TXNDC16: variants seen among roughly 807,000 people sequenced by gnomAD.
The protein encoded by TXNDC16 is thioredoxin domain containing 16.
A neutral mutation model predicts 85.6 loss-of-function variants in TXNDC16; 74 were observed. That is an observed-to-expected ratio of 0.86 (90% CI 0.72 to 1.05). The LOEUF (loss-of-function observed/expected upper bound fraction) is 1.05. Ranked by LOEUF, TXNDC16 falls within the 50% of genes least tolerant of loss-of-function variation. TXNDC16 has a pLI of 0.00. For synonymous variants in TXNDC16, 335 were observed against 326.5 expected, an observed-to-expected ratio of 1.03 and a Z score of -0.28; for missense variants, 959 against 947.0, an observed-to-expected ratio of 1.01 and a Z score of -0.17.
intron 9 of TXNDC16, among the ~76,000 whole-genome samples, chr14:52,502,590 G>C (rs1051327120): frequency 6.6e-6 from 1 of 152,170 alleles, no homozygotes; most frequent in African/African-American, 2.4e-5. Flanking sequence ...ATACTACAGG[G>C]GGGTGGAGCC....
chr14:52,499,678 G>T (rs1594732427), intron 9 of TXNDC16, among the ~76,000 whole-genome samples: 2 of 151,750 alleles, frequency 1.3e-5, no homozygotes, highest in Middle Eastern at 7.0e-3. Flanking sequence ...ATGAACCCTT[G>T]TGCACTGTTG....
intron 8 of TXNDC16, among the ~76,000 whole-genome samples, chr14:52,512,619 A>AAATTATTTT (rs1185744796): frequency 6.6e-6 from 1 of 152,198 alleles, no homozygotes; most frequent in African/African-American, 2.4e-5. Context: ...TAATGTTGGA[A>AAATTATTTT]AATTATTTTA....
chr14:52,482,194 A>C (rs1446199199), intron 14 of TXNDC16, 36 bp downstream of exon 14: 2 of 1,540,704 alleles, frequency 1.3e-6, no homozygotes, highest in African/African-American at 2.8e-5. Flanking sequence ...ACAGCTTAGA[A>C]TCAGAATAAT....
At chr14:52,530,184 ATAT>A (rs1451039694) in intron 6 of TXNDC16, among the ~76,000 whole-genome samples, 15 of 83,864 alleles carry the variant, frequency 1.8e-4, no homozygotes, top group South Asian at 8.2e-4. Flanking sequence ...ATATATAAAT[ATAT>A]TATATTTATA....
At position 52,511,410 on chromosome 14, in the gene TXNDC16, T is replaced by G. The variant is rs1365995241; in HGVS notation, c.606-20A>C. On this transcript the variant is annotated intron_variant, in intron 8 of 20. Transcript: ENST00000281741. ...TCAGAGCTACAAATTAAAAATTAAT[T>G]AACTTAATGAAGTTCAATATGTGAT... is the stretch of plus-strand genomic sequence containing the variant. 1 of 1,533,732 alleles carries G rather than the reference T, an allele frequency of 6.5e-7. No individual in the cohort carries two copies. The highest frequency in any genetic ancestry group is 1.8e-5 in the Admixed American group (1 of 56,148).
intron 9 of TXNDC16, among the ~76,000 whole-genome samples, chr14:52,509,169 C>CA (rs927063767): frequency 7.3e-4 from 108 of 148,212 alleles, no homozygotes; most frequent in Middle Eastern, 3.4e-3. Flanking sequence ...TGAAATACAG[C>CA]AAAAAAAAAA....
intron 7 of TXNDC16, among the ~76,000 whole-genome samples, chr14:52,515,624 TC>T (rs1320053524): frequency 6.6e-6 from 1 of 151,078 alleles, no homozygotes; most frequent in African/African-American, 2.4e-5. Context: ...TCAACTCATT[TC>T]TTCTTCTCTT....
intron 16 of TXNDC16, 51 bp from the exon 17 acceptor site, chr14:52,457,225 G>T: frequency 9.9e-7 from 1 of 1,012,230 alleles, no homozygotes; most frequent in Non-Finnish European, 1.5e-6. Context: ...AATTATGTAT[G>T]CTATTCAACT....
At chr14:52,528,089 T>A (rs1008280713) in intron 6 of TXNDC16, among the ~76,000 whole-genome samples, 2 of 152,194 alleles carry the variant, frequency 1.3e-5, no homozygotes, top group African/African-American at 2.4e-5. Flanking sequence ...TACTTGTTAT[T>A]CTATCTCAGA....
At chr14:52,472,345 G>A (rs1000892329) in intron 14 of TXNDC16, among the ~76,000 whole-genome samples, 6 of 151,924 alleles carry the variant, frequency 3.9e-5, no homozygotes, top group East Asian at 1.9e-4. Context: ...CGACAGGCAC[G>A]TGACACCATG....
At chr14:52,532,682 C>A (rs2037610520) in intron 6 of TXNDC16, among the ~76,000 whole-genome samples, 1 of 151,968 alleles carries the variant, frequency 6.6e-6, no homozygotes, top group African/African-American at 2.4e-5. Context: ...GTGATCTGCC[C>A]ACCTCGGCCT....
intron 6 of TXNDC16, among the ~76,000 whole-genome samples, chr14:52,525,761 T>G (rs1450400650): frequency 6.7e-6 from 1 of 149,584 alleles, no homozygotes; most frequent in Non-Finnish European, 1.5e-5. Context: ...AAATTTGTTG[T>G]TACTTTCCTT....
intron 7 of TXNDC16, 25 bp from the exon 8 acceptor site, chr14:52,514,995 G>A: frequency 6.4e-7 from 1 of 1,566,536 alleles, no homozygotes; most frequent in Non-Finnish European, 8.7e-7. Context: ...AAGGGAGTTG[G>A]AAGACAGGAA....
chr14:52,454,293 G>A lies in TXNDC16; in HGVS notation c.1842+1031C>T, dbSNP rs997366966. ...AATACCAAAATTATCCGATGTGGTG[G>A]CACATGCCTGTAGTCCTGGCTACTT... On this transcript the variant is annotated intron_variant, in intron 18 of 20. Coordinates refer to ENST00000281741, the MANE Select transcript of TXNDC16 (RefSeq NM_020784.3). 5.9e-4 allele frequency among the ~76,000 whole-genome samples: 90 copies of A among 151,566 alleles called. 4 individuals carry two copies. Among genetic ancestry groups the A allele is most frequent in the Non-Finnish European group, 1.5e-5 (1 of 67,936 alleles).
rs767780627 is a variant in TXNDC16, at chr14:52,514,983, T to A, written c.515-13A>T. ...ACTGCTCTGTGCTCTGAAGAAGAGA[T>A]AAAGGGAGTTGGAAGACAGGAAAAA... On this transcript the variant is annotated splice_polypyrimidine_tract_variant and intron_variant, in intron 7 of 20. Coordinates refer to ENST00000281741, the MANE Select transcript of TXNDC16 (RefSeq NM_020784.3). The A allele has an allele frequency of 1.9e-6, 3 of 1,598,824 alleles. No individual in the cohort carries two copies. The highest frequency in any genetic ancestry group is 2.6e-6 in the Non-Finnish European group (3 of 1,171,252).
chr14:52,439,469 A>T (rs1409995429), intron 19 of TXNDC16, 75 bp from the exon 20 acceptor site: 9 of 1,350,202 alleles, frequency 6.7e-6, no homozygotes, highest in Non-Finnish European at 9.0e-6. Context: ...TTCGTAGAAC[A>T]TTAAACTTTT....
At chr14:52,478,647 C>T (rs1247362213) in intron 14 of TXNDC16, among the ~76,000 whole-genome samples, 1 of 151,952 alleles carries the variant, frequency 6.6e-6, no homozygotes, top group Non-Finnish European at 1.5e-5. Context: ...AGTGCAATAT[C>T]AACCAGTGAG....
intron 19 of TXNDC16, among the ~76,000 whole-genome samples, chr14:52,440,304 A>T (rs2035135329): frequency 6.6e-6 from 1 of 152,156 alleles, no homozygotes; most frequent in African/African-American, 2.4e-5. Flanking sequence ...GTATTTGCCA[A>T]ATTTTCTCAA....
intron 9 of TXNDC16, among the ~76,000 whole-genome samples, chr14:52,493,378 A>G (rs2036459464): frequency 6.6e-6 from 1 of 152,052 alleles, no homozygotes; most frequent in African/African-American, 2.4e-5. Flanking sequence ...TAGAACACAT[A>G]GAAAAATAAA....
Sources: gnomAD v4.1 joint callset for allele counts (sites outside exome capture counted in the v4.1 genomes callset) on GRCh38, gnomAD v4.1.1 for gene constraint, MANE v1.5 for transcripts, NCBI Gene and HGNC (gene_info 2026-07-23, HGNC 2026-07-21) for gene names.